CYP2C8: variants seen among roughly 807,000 people sequenced by gnomAD.
CYP2C8 encodes the protein cytochrome P450 family 2 subfamily C member 8, also known as cytochrome P450 2C8.
Under a neutral mutation model 41.3 loss-of-function variants are expected in CYP2C8, and 51 were observed. The ratio of observed to expected loss-of-function variants is 1.24; its 90% CI spans 0.99 to 1.56. The LOEUF is 1.56. Ranked by LOEUF, CYP2C8 falls within the 40% of genes most tolerant of loss-of-function variation. The probability of loss-of-function intolerance (pLI) is 0.00; values close to 1 mark genes in which losing one functional copy is unlikely to be tolerated. For missense variants in CYP2C8, 651 were observed against 579.9 expected, an observed-to-expected ratio of 1.12 and a Z score of -1.26; for synonymous variants, 218 against 205.8, an observed-to-expected ratio of 1.06 and a Z score of -0.51.
At chr10:95,052,270 C>T (rs563090899) in intron 5 of CYP2C8, among the ~76,000 whole-genome samples, 5 of 151,986 alleles carry the variant, frequency 3.3e-5, no homozygotes, top group African/African-American at 1.2e-4. Context: ...AATCCAAAAC[C>T]TGAACAAAAT....
intron 4 of CYP2C8, among the ~76,000 whole-genome samples, chr10:95,064,496 G>A (rs993115956): frequency 3.3e-5 from 5 of 152,092 alleles, no homozygotes; most frequent in Non-Finnish European, 7.4e-5. Flanking sequence ...TATTAGGGTG[G>A]GAGTGACCCA....
Position 95,042,905 on chromosome 10 carries a change from G to A in CYP2C8, c.1134C>T (p.Asn378=). 6.2e-7 allele frequency: 1 copy of A among 1,613,842 alleles called. No homozygotes were observed. Among genetic ancestry groups the A allele is most frequent in the Non-Finnish European group, 8.5e-7 (1 of 1,179,686 alleles). Residue 378 remains asparagine, a synonymous_variant, in exon 7 of 9, where the codon AAC becomes AAT. Coordinates refer to ENST00000371270, the MANE Select transcript of CYP2C8 (RefSeq NM_000770.3). The stretch of plus-strand genomic sequence containing the variant: ...ACAAGCTTACCTTGGGGATGAGGTA[G>A]TTTCTGAACTTAGTATCAGTGGTCA... ...HAVTTDTKFR[N]YLIPKGTTIM...
intron 7 of CYP2C8, among the ~76,000 whole-genome samples, chr10:95,041,874 G>C (rs113948794): frequency 0.046 from 6,957 of 151,378 alleles, 167 homozygotes; most frequent in Middle Eastern, 0.1. Context: ...CAGTTTGCTA[G>C]CCTTATTTAG....
chr10:95,067,553 A>G lies in CYP2C8; in HGVS notation c.307T>C (p.Ser103Pro). Residue 103 changes from serine to proline, a missense_variant, in exon 2 of 9, where the codon TCT becomes CCT. Physicochemically the swap from Ser to Pro is moderately conservative, Grantham distance 74 (BLOSUM62 -1). Coordinates refer to ENST00000371270, the MANE Select transcript of CYP2C8 (RefSeq NM_000770.3). ...EFSGRGNSPI[S>P]QRITKGLGII... is the part of the protein sequence containing the mutation. Reference sequence around the variant, plus strand: ...CCAAGTCCTTTAGTAATTCTTTGAGATATTGGGGAATTGCCTCTTCCAGAA... The same window carrying G: ...CCAAGTCCTTTAGTAATTCTTTGAGGTATTGGGGAATTGCCTCTTCCAGAA... The G allele has an allele frequency of 6.2e-7, 1 of 1,614,124 alleles. No homozygotes were observed. Among genetic ancestry groups the G allele is most frequent in the Non-Finnish European group, 8.5e-7 (1 of 1,180,014 alleles).
intron 7 of CYP2C8, chr10:95,039,239 A>G (rs1046468718): frequency 4.2e-5 from 24 of 577,216 alleles, no homozygotes; most frequent in African/African-American, 9.3e-5. Context: ...GAAGTCTTAC[A>G]TCTTGGATAC....
At chr10:95,042,221 T>C (rs796777257) in intron 7 of CYP2C8, among the ~76,000 whole-genome samples, 28 of 152,056 alleles carry the variant, frequency 1.8e-4, no homozygotes, top group African/African-American at 6.5e-4. Flanking sequence ...GAAGACAAAA[T>C]CATTGGAAAA....
intron 3 of CYP2C8, among the ~76,000 whole-genome samples, chr10:95,066,149 AGAGAGTGTGTGTGTGTGTGT>A (rs1344132930): frequency 8.6e-6 from 1 of 116,404 alleles, no homozygotes; most frequent in African/African-American, 3.9e-5. Flanking sequence ...AGAGAGAGAG[AGAGAGTGTGTGTGTGTGTGT>A]GTGTGTGTGT....
chr10:95,063,175 A>C (rs1230264564), intron 4 of CYP2C8, among the ~76,000 whole-genome samples: 1 of 152,078 alleles, frequency 6.6e-6, no homozygotes, highest in Non-Finnish European at 1.5e-5. Context: ...CCTGAATTTG[A>C]ATGTTAGCCT....
In CYP2C8 at chr10:95,043,030, G is replaced by A. The variant is rs1564734456; in HGVS notation, c.1009C>T (p.Pro337Ser). Residue 337 changes from proline to serine, a missense_variant, in exon 7 of 9, where the codon CCC (proline) becomes TCC (serine). By Grantham distance (74) the Pro-to-Ser change is moderately conservative (BLOSUM62 -1). Coordinates refer to ENST00000371270, the MANE Select transcript of CYP2C8 (RefSeq NM_000770.3). ...IDHVIGRHRS[P>S]CMQDRSHMPY... ...ATGTGGCTCCTATCCTGCATGCAGG[G>A]GCTCCTGTGTCTGCCAATTACATGA... is the stretch of plus-strand genomic sequence containing the variant. The A allele has an allele frequency of 1.2e-6, 2 of 1,614,158 alleles. No homozygotes were observed. Among genetic ancestry groups the A allele is most frequent in the East Asian group, 2.2e-5 (1 of 44,884 alleles).
At chr10:95,054,081 A>G (rs1448144526) in intron 5 of CYP2C8, among the ~76,000 whole-genome samples, 1 of 152,154 alleles carries the variant, frequency 6.6e-6, no homozygotes, top group East Asian at 1.9e-4. Context: ...ACCCAAGTAT[A>G]TCTACTTTTA....
intron 5 of CYP2C8, among the ~76,000 whole-genome samples, chr10:95,051,843 G>GT (rs2033219562): frequency 6.6e-6 from 1 of 152,030 alleles, no homozygotes; most frequent in Admixed American, 6.6e-5. Context: ...GTTAATAGCT[G>GT]TAAGTGTCAA....
intron 7 of CYP2C8, 51 bp downstream of exon 7, chr10:95,042,839 C>A: frequency 6.6e-7 from 1 of 1,510,034 alleles, no homozygotes; most frequent in Non-Finnish European, 9.2e-7. Context: ...CAAACCAGCA[C>A]TATGGAAATT....
At chr10:95,064,222 G>T (rs191897566) in intron 4 of CYP2C8, among the ~76,000 whole-genome samples, 1 of 152,184 alleles carries the variant, frequency 6.6e-6, no homozygotes, top group Non-Finnish European at 1.5e-5. Flanking sequence ...GCCCTGCCCC[G>T]AGAAGTGGAT....
At chr10:95,060,774 G>T (rs12255569) in intron 4 of CYP2C8, among the ~76,000 whole-genome samples, 1 of 152,104 alleles carries the variant, frequency 6.6e-6, no homozygotes, top group Non-Finnish European at 1.5e-5. Flanking sequence ...GATACTGGCT[G>T]TGGGTTTGTC....
intron 5 of CYP2C8, among the ~76,000 whole-genome samples, chr10:95,046,341 G>GCA (rs1339253116): frequency 6.6e-5 from 10 of 152,314 alleles, no homozygotes; most frequent in Admixed American, 2.0e-4. Flanking sequence ...AAGTCCAAGA[G>GCA]CATGGCACTG....
At chr10:95,056,276 G>C (rs1187728224) in intron 5 of CYP2C8, among the ~76,000 whole-genome samples, 1 of 152,098 alleles carries the variant, frequency 6.6e-6, no homozygotes, top group Non-Finnish European at 1.5e-5. Flanking sequence ...ATATGGAAAA[G>C]AGGAACCCTC....
At chr10:95,051,147 TG>T (rs1306753213) in intron 5 of CYP2C8, among the ~76,000 whole-genome samples, 2 of 152,118 alleles carry the variant, frequency 1.3e-5, no homozygotes, top group African/African-American at 4.8e-5. Flanking sequence ...ACGAAGAGAC[TG>T]AAATAATTTA....
chr10:95,039,460 T>G (rs2032953645), intron 7 of CYP2C8: 1 of 198,300 alleles, frequency 5.0e-6, no homozygotes, highest in South Asian at 9.5e-5. Flanking sequence ...TGTAATCTAT[T>G]TTAATATGAT....
chr10:95,055,896 G>A (rs2033306354), intron 5 of CYP2C8, among the ~76,000 whole-genome samples: 1 of 152,014 alleles, frequency 6.6e-6, no homozygotes, highest in Non-Finnish European at 1.5e-5. Context: ...TTTGAGACCA[G>A]CCTAGGAAAC....
Sources: allele counts gnomAD v4.1 joint callset (sites outside exome capture counted in the v4.1 genomes callset), GRCh38; gene constraint gnomAD v4.1.1; transcripts MANE v1.5; gene names NCBI Gene and HGNC (gene_info 2026-07-23, HGNC 2026-07-21).